Variants in FHIT observed in about 807,000 individuals in gnomAD.
FHIT encodes the protein fragile histidine triad diadenosine triphosphatase.
FHIT carries 19 observed loss-of-function variants against 17.9 expected under a neutral mutation model. The ratio of observed to expected loss-of-function variants is 1.06; its 90% CI spans 0.74 to 1.56. The LOEUF is 1.56. FHIT is among the 40% of genes most tolerant of loss of function. The probability of loss-of-function intolerance (pLI) is 0.00; values close to 1 mark genes in which losing one functional copy is unlikely to be tolerated. For synonymous variants in FHIT, 81 were observed against 69.7 expected (o/e 1.16, Z -0.81); for missense variants, 248 against 189.2 (o/e 1.31, Z -1.82).
In FHIT at chr3:60,868,322, A is replaced by G. The variant is rs561076923; in HGVS notation, c.-110-46311T>C. Among the ~76,000 whole-genome samples the G allele has an allele frequency of 2.0e-5, 3 of 152,282 alleles. 1 individual carries two copies. Among genetic ancestry groups the G allele is most frequent in the Admixed American group, 2.0e-4 (3 of 15,270 alleles). ...GTCTACAGTTGAATGGCCAAAAATA[A>G]AGACTTGAAATTCCTTCAAAGCTAT... On this transcript the variant is annotated intron_variant, in intron 3 of 9. Transcript: ENST00000492590.
chr3:60,332,993 T>C (rs550885870), intron 5 of FHIT, among the ~76,000 whole-genome samples: 1 of 152,300 alleles, frequency 6.6e-6, no homozygotes, highest in South Asian at 2.1e-4. Context: ...CAGTATACTA[T>C]GACTGTATTC....
chr3:59,975,010 G>A (rs903581287), intron 7 of FHIT, among the ~76,000 whole-genome samples: 1 of 151,924 alleles, frequency 6.6e-6, no homozygotes, highest in African/African-American at 2.4e-5. Context: ...TGCACTAATC[G>A]CCACTTAACA....
At chr3:60,070,740 A>G (rs966110139) in intron 5 of FHIT, among the ~76,000 whole-genome samples, 6 of 152,216 alleles carry the variant, frequency 3.9e-5, no homozygotes, top group Non-Finnish European at 8.8e-5. Context: ...ATAGTCCATG[A>G]GACAGAAGGT....
At chr3:59,780,506 G>A (rs1432091614) in intron 8 of FHIT, among the ~76,000 whole-genome samples, 10 of 152,196 alleles carry the variant, frequency 6.6e-5, no homozygotes, top group Non-Finnish European at 1.5e-4. Context: ...AATCCCTGGA[G>A]TTCCAGGGTG....
intron 4 of FHIT, among the ~76,000 whole-genome samples, chr3:60,603,666 T>C (rs138865627): frequency 6.6e-6 from 1 of 152,244 alleles, no homozygotes; most frequent in African/African-American, 2.4e-5. Flanking sequence ...ACACAGTGAG[T>C]ATAAATGTAT....
chr3:59,877,469 G>C (rs911402995), intron 8 of FHIT, among the ~76,000 whole-genome samples: 1 of 152,170 alleles, frequency 6.6e-6, no homozygotes, highest in African/African-American at 2.4e-5. Flanking sequence ...TAACAAGCAG[G>C]AAGGCCCAGA....
intron 4 of FHIT, among the ~76,000 whole-genome samples, chr3:60,630,514 G>T (rs1012516031): frequency 3.9e-5 from 6 of 152,144 alleles, no homozygotes; most frequent in Non-Finnish European, 5.9e-5. Context: ...TCCTGGAATA[G>T]TAACACAAAA....
At position 60,630,955 on chromosome 3, in the gene FHIT, AACAC is replaced by A. The variant is rs60128215; in HGVS notation, c.-17-93980_-17-93977del. Among the ~76,000 whole-genome samples, 337 of 125,094 alleles carry A rather than the reference AACAC, an allele frequency of 2.7e-3. 4 individuals are homozygous for A. Among genetic ancestry groups the A allele is most frequent in the Admixed American group, 8.0e-3 (97 of 12,146 alleles). 82.1% of individuals were successfully genotyped at this position (125,094 alleles called of 152,430 possible). A position where few individuals can be genotyped will look rare whatever the true frequency, so the allele number is the denominator to read the frequency against. On this transcript the variant is annotated intron_variant, in intron 4 of 9. Coordinates refer to ENST00000492590, the MANE Select transcript of FHIT (RefSeq NM_002012.4). ...TCATTAAAAAAAAAAAAAAAAAAAAAACACACAGAAATAACTGAGTAAAAAACAC... is the reference window on the plus strand; with the variant it reads ...TCATTAAAAAAAAAAAAAAAAAAAAAACAGAAATAACTGAGTAAAAAACAC...
chr3:59,979,048 G>A (rs1708536328), intron 7 of FHIT, among the ~76,000 whole-genome samples: 1 of 152,128 alleles, frequency 6.6e-6, no homozygotes, highest in African/African-American at 2.4e-5. Context: ...AAACCATTCT[G>A]TGAAATTGTT....
intron 3 of FHIT, among the ~76,000 whole-genome samples, chr3:60,860,489 A>T (rs1325481598): frequency 7.9e-6 from 1 of 126,568 alleles, no homozygotes; most frequent in Non-Finnish European, 1.6e-5. Flanking sequence ...ATACATATGT[A>T]TCATATATAT....
chr3:60,115,114 T>C (rs906906256), intron 5 of FHIT, among the ~76,000 whole-genome samples: 2 of 152,176 alleles, frequency 1.3e-5, no homozygotes, highest in African/African-American at 4.8e-5. Context: ...TTTATCTGGA[T>C]TAAAATAGAT....
At chr3:59,800,791 G>A (rs981742132) in intron 8 of FHIT, among the ~76,000 whole-genome samples, 4 of 152,130 alleles carry the variant, frequency 2.6e-5, no homozygotes, top group South Asian at 2.1e-4. Flanking sequence ...TCTGAGCATT[G>A]CAGTGGCTGA....
At chr3:60,643,745 G>T (rs1347390546) in intron 4 of FHIT, among the ~76,000 whole-genome samples, 1 of 152,180 alleles carries the variant, frequency 6.6e-6, no homozygotes, top group Admixed American at 6.5e-5. Flanking sequence ...AAGGGTAGTA[G>T]TATCTGCATT....
chr3:60,561,465 T>TC lies in FHIT; in HGVS notation c.-17-24487dup, dbSNP rs2107644430. On this transcript the variant is annotated intron_variant, in intron 4 of 9. Coordinates refer to ENST00000492590, the MANE Select transcript of FHIT (RefSeq NM_002012.4). ...TCAAAGAATGTTTGAGCCATTTTTT[T>TC]CCCAGCCTCAGATGATGGGGAGAAA... is the stretch of plus-strand genomic sequence containing the variant. Among the ~76,000 whole-genome samples, 2 of 151,180 alleles carry TC rather than the reference T, an allele frequency of 1.3e-5. 1 individual carries two copies. Among genetic ancestry groups the TC allele is most frequent in the Admixed American group, 1.3e-4 (2 of 14,982 alleles).
At chr3:60,076,166 C>G (rs80229008) in intron 5 of FHIT, among the ~76,000 whole-genome samples, 2,725 of 152,108 alleles carry the variant, frequency 0.018, 88 homozygotes, top group African/African-American at 0.062. Flanking sequence ...GAAATGAAGA[C>G]CTTTTACAGG....
At chr3:59,946,982 T>A (rs1706840323) in intron 7 of FHIT, among the ~76,000 whole-genome samples, 1 of 152,186 alleles carries the variant, frequency 6.6e-6, no homozygotes. Flanking sequence ...TCTATTTTTA[T>A]TGTGTCTCTG....
intron 5 of FHIT, among the ~76,000 whole-genome samples, chr3:60,411,398 A>C (rs561090860): frequency 6.6e-6 from 1 of 152,248 alleles, no homozygotes; most frequent in African/African-American, 2.4e-5. Context: ...TAATCCACTT[A>C]ATGTGTCTAG....
At chr3:60,296,058 A>C (rs181156472) in intron 5 of FHIT, among the ~76,000 whole-genome samples, 91 of 151,504 alleles carry the variant, frequency 6.0e-4, no homozygotes, top group African/African-American at 2.1e-3. Context: ...ATTCTTTCTC[A>C]CCTCCTTTCA....
chr3:59,970,172 G>A (rs922406684), intron 7 of FHIT, among the ~76,000 whole-genome samples: 1 of 151,996 alleles, frequency 6.6e-6, no homozygotes, highest in African/African-American at 2.4e-5. Context: ...GTCTTTTCAA[G>A]GTAAAGTAGT....
Sources: gnomAD v4.1 joint callset for allele counts (sites outside exome capture counted in the v4.1 genomes callset) on GRCh38, gnomAD v4.1.1 for gene constraint, MANE v1.5 for transcripts, NCBI Gene and HGNC (gene_info 2026-07-23, HGNC 2026-07-21) for gene names.